Variants in CACNB4 observed in about 807,000 individuals in gnomAD.
CACNB4 encodes the protein voltage-dependent L-type calcium channel subunit beta-4.
In CACNB4, 32 loss-of-function variants were observed where a neutral mutation model predicts 71.2. The ratio of observed to expected loss-of-function variants is 0.45; its 90% CI spans 0.34 to 0.60. The LOEUF (loss-of-function observed/expected upper bound fraction) is 0.60. CACNB4 is among the 20% of genes least tolerant of loss of function. CACNB4 has a pLI of 0.01. For missense variants in CACNB4, 464 were observed against 647.9 expected (o/e 0.72, Z 3.08); for synonymous variants, 231 against 236.9 (o/e 0.97, Z 0.23).
chr2:151,971,653 T>G (rs576849985), intron 2 of CACNB4: 1 of 702,586 alleles, frequency 1.4e-6, no homozygotes, highest in Non-Finnish European at 2.6e-6. Flanking sequence ...TCTTCTCCAT[T>G]GGCTTGAAGC....
In CACNB4 at chr2:152,050,669, T is replaced by C. The variant is rs575939234; in HGVS notation, c.147+47661A>G. On this transcript the variant is annotated intron_variant, in intron 2 of 13. Coordinates refer to ENST00000539935, the MANE Select transcript of CACNB4 (RefSeq NM_000726.5). ...AGCTTGAGGCTGCAGTGAGCCATGA[T>C]TGTGCCATTGCACTCCGGCCTGTGT... is the stretch of plus-strand genomic sequence containing the variant. Among the ~76,000 whole-genome samples the C allele has an allele frequency of 1.1e-4, 17 of 152,214 alleles. No individual in the cohort carries two copies. The East Asian group carries it at 2.7e-3, about 24-fold the overall frequency.
intron 2 of CACNB4, among the ~76,000 whole-genome samples, chr2:152,063,107 G>A (rs1000302530): frequency 2.0e-5 from 3 of 152,032 alleles, no homozygotes; most frequent in East Asian, 1.9e-4. Flanking sequence ...CAGACATATC[G>A]CAATGTCACT....
At chr2:151,984,287 T>C (rs1681208364) in intron 2 of CACNB4, among the ~76,000 whole-genome samples, 3 of 152,224 alleles carry the variant, frequency 2.0e-5, no homozygotes, top group African/African-American at 7.2e-5. Context: ...TACATTGTTA[T>C]GGCTCTTAGT....
intron 2 of CACNB4, among the ~76,000 whole-genome samples, chr2:151,907,444 C>T (rs573614513): frequency 1.3e-5 from 2 of 152,250 alleles, no homozygotes; most frequent in East Asian, 3.9e-4. Context: ...AAAGATAGTA[C>T]AGAGTTCCCA....
intron 2 of CACNB4, among the ~76,000 whole-genome samples, chr2:152,021,138 T>G (rs1683642295): frequency 6.6e-6 from 1 of 152,084 alleles, no homozygotes; most frequent in Admixed American, 6.6e-5. Context: ...TCCCAGCTAT[T>G]CTGGAGGCCG....
chr2:152,066,650 A>AAAT (rs1686345280), intron 2 of CACNB4, among the ~76,000 whole-genome samples: 1 of 150,618 alleles, frequency 6.6e-6, no homozygotes, highest in Non-Finnish European at 1.5e-5. Flanking sequence ...CTGGGTATAT[A>AAAT]CCCAAAGGAC....
rs1413360156 is a variant in CACNB4, at chr2:151,916,956, C to G, written c.148-33586G>C. Among the ~76,000 whole-genome samples, 4 of 152,250 alleles carry G rather than the reference C, an allele frequency of 2.6e-5. No homozygotes were observed. In the East Asian group the frequency reaches 5.8e-4, roughly 22 times the overall value. On this transcript the variant is annotated intron_variant, in intron 2 of 13. Coordinates refer to ENST00000539935, the MANE Select transcript of CACNB4 (RefSeq NM_000726.5). ...TATCTAGTCGGAAATGTCAGCGGTG[C>G]CAAAGTTCAGACACTCTGGTATAAA... is the stretch of plus-strand genomic sequence containing the variant.
In CACNB4 at chr2:152,019,396, T is replaced by C. The variant is rs545055576; in HGVS notation, c.147+78934A>G. Among the ~76,000 whole-genome samples the C allele has an allele frequency of 3.3e-5, 5 of 152,314 alleles. No homozygotes were observed. In the South Asian group the frequency reaches 1.0e-3, roughly 32 times the overall value. On this transcript the variant is annotated intron_variant, in intron 2 of 13. Transcript: ENST00000539935. Reference sequence around the variant, plus strand: ...TAGATGTATATGAGTGTATGATAGATGAGATAGCAAAATGAAGGGAAATTA... The same window carrying C: ...TAGATGTATATGAGTGTATGATAGACGAGATAGCAAAATGAAGGGAAATTA...
chr2:151,941,275 ATTT>A (rs11346045), intron 2 of CACNB4, among the ~76,000 whole-genome samples: 65 of 112,300 alleles, frequency 5.8e-4, no homozygotes, highest in East Asian at 4.4e-3. Flanking sequence ...AAAATGGTTA[ATTT>A]TTTTTTTTTT....
At chr2:152,013,371 G>C (rs1313388297) in intron 2 of CACNB4, among the ~76,000 whole-genome samples, 1 of 152,120 alleles carries the variant, frequency 6.6e-6, no homozygotes, top group African/African-American at 2.4e-5. Flanking sequence ...CAAACATACA[G>C]AAGTCTTTGT....
chr2:151,948,893 T>C (rs2099866223), intron 2 of CACNB4, among the ~76,000 whole-genome samples: 1 of 152,138 alleles, frequency 6.6e-6, no homozygotes, highest in Non-Finnish European at 1.5e-5. Flanking sequence ...CAGTTTAATG[T>C]AATAATTATG....
intron 2 of CACNB4, among the ~76,000 whole-genome samples, chr2:152,015,353 G>A (rs1171937088): frequency 2.0e-5 from 3 of 151,946 alleles, no homozygotes; most frequent in Non-Finnish European, 2.9e-5. Context: ...GGCTGGTCTC[G>A]AACTCCTGAC....
At chr2:151,855,880 T>C (rs2099840169) in intron 10 of CACNB4, among the ~76,000 whole-genome samples, 1 of 152,198 alleles carries the variant, frequency 6.6e-6, no homozygotes. Context: ...TGCATATTTT[T>C]GTACCACTGG....
intron 2 of CACNB4, among the ~76,000 whole-genome samples, chr2:151,993,563 C>CT (rs70974814): frequency 4.2e-4 from 49 of 116,656 alleles, no homozygotes; most frequent in African/African-American, 1.4e-3. Flanking sequence ...TTGGGGAGCA[C>CT]TTTTTTTTTT....
chr2:152,012,098 TAAA>T (rs57150855), intron 2 of CACNB4, among the ~76,000 whole-genome samples: 1 of 146,158 alleles, frequency 6.8e-6, no homozygotes, highest in African/African-American at 2.5e-5. Context: ...TTCTATTTAT[TAAA>T]AAAAAAAAAA....
chr2:152,005,808 G>A (rs1319959241), intron 2 of CACNB4, among the ~76,000 whole-genome samples: 3 of 152,198 alleles, frequency 2.0e-5, no homozygotes, highest in East Asian at 3.9e-4. Flanking sequence ...CAACCATTTC[G>A]GGCAAGTTAC....
intron 2 of CACNB4, among the ~76,000 whole-genome samples, chr2:152,043,249 T>C (rs576539578): frequency 2.6e-5 from 4 of 152,342 alleles, no homozygotes; most frequent in African/African-American, 9.6e-5. Flanking sequence ...CTTAATACAC[T>C]TGCTTTCACT....
At chr2:151,908,157 G>A (rs916078100) in intron 2 of CACNB4, among the ~76,000 whole-genome samples, 1 of 152,210 alleles carries the variant, frequency 6.6e-6, no homozygotes, top group African/African-American at 2.4e-5. Context: ...AAGACGCCAG[G>A]AGGGAGTCTG....
intron 12 of CACNB4, chr2:151,850,710 A>C (rs1470287841): frequency 6.6e-6 from 1 of 152,152 alleles, no homozygotes; most frequent in African/African-American, 2.4e-5. Flanking sequence ...TGTGCACACT[A>C]TTTGTCCTAT....
Sources: allele counts gnomAD v4.1 joint callset (sites outside exome capture counted in the v4.1 genomes callset), GRCh38; gene constraint gnomAD v4.1.1; transcripts MANE v1.5; gene names NCBI Gene and HGNC (gene_info 2026-07-23, HGNC 2026-07-21).